Variants in YARS2 observed in about 807,000 individuals in gnomAD.
YARS2 encodes the protein tyrosyl-tRNA synthetase 2, also known as tyrosine--tRNA ligase, mitochondrial.
Under a neutral mutation model 45.0 loss-of-function variants are expected in YARS2, and 38 were observed. The observed-to-expected ratio is 0.84, with a 90% CI of 0.65 to 1.11. The LOEUF is 1.11. YARS2 is among the 50% of genes least tolerant of loss of function. The pLI, the probability that YARS2 is intolerant of heterozygous loss-of-function variation, is 0.00. For missense variants in YARS2, 602 were observed against 599.8 expected (o/e 1.00, Z -0.04); for synonymous variants, 287 against 245.1 (o/e 1.17, Z -1.60).
chr12:32,750,020 T>TG lies in YARS2; in HGVS notation c.1190dup (p.Phe398IlefsTer3), dbSNP rs745812190. The TG allele has an allele frequency of 6.2e-7, 1 of 1,614,038 alleles. No homozygotes were observed. Among genetic ancestry groups the TG allele is most frequent in the South Asian group, 1.1e-5 (1 of 91,082 alleles). On this transcript the variant is annotated frameshift_variant, in exon 4 of 5. Transcript: ENST00000324868. LOFTEE classifies it high-confidence loss of function. ...CAGGATCGAGAAAAAATTCAGAAAA[T>TG]GGAGCTTCTTTAAACAACTCTTTTA...
chr12:32,752,260 A>T (rs1366491860), intron 2 of YARS2, among the ~76,000 whole-genome samples: 1 of 152,200 alleles, frequency 6.6e-6, no homozygotes, highest in Non-Finnish European at 1.5e-5. Context: ...ATTCACAAAG[A>T]TATAGCTTAA....
chr12:32,755,599 T>G lies in YARS2; in HGVS notation c.276A>C (p.Leu92=). Reference sequence around the variant, plus strand: ...AATGAAACAGGCCCAGCAGCGCAAGTAGATGACCCACATGAAGCGAGTCTG... The same window carrying G: ...AATGAAACAGGCCCAGCAGCGCAAGGAGATGACCCACATGAAGCGAGTCTG... ...PTADSLHVGH[L]LALLGLFHLQ... Residue 92 remains leucine, a synonymous_variant, in exon 1 of 5, where the codon CTA becomes CTC. Coordinates refer to ENST00000324868, the MANE Select transcript of YARS2 (RefSeq NM_001040436.3). The G allele has an allele frequency of 6.2e-7, 1 of 1,613,856 alleles. No individual in the cohort carries two copies. The highest frequency in any genetic ancestry group is 1.7e-5 in the Admixed American group (1 of 60,020).
chr12:32,755,764 C>G lies in YARS2; in HGVS notation c.111G>C (p.Gly37=). 6.2e-7 allele frequency: 1 copy of G among 1,614,000 alleles called. No homozygotes were observed. The highest frequency in any genetic ancestry group is 8.5e-7 in the Non-Finnish European group (1 of 1,180,000). Residue 37 remains glycine (G), a synonymous_variant, in exon 1 of 5, where the codon GGG becomes GGC. Transcript: ENST00000324868. The part of the protein sequence containing the change: ...GLRKAHSGAQ[G]LLAAQKARGL... The stretch of plus-strand genomic sequence containing the variant: ...CTCGAGCCTTCTGCGCTGCCAGTAA[C>G]CCCTGAGCGCCCGAGTGGGCCTTAC...
chr12:32,748,243 A>G (rs1955678988), intron 4 of YARS2, among the ~76,000 whole-genome samples: 3 of 152,092 alleles, frequency 2.0e-5, no homozygotes, highest in Admixed American at 1.3e-4. Context: ...CCTGGCCCCA[A>G]GCAATCCTCC....
chr12:32,755,151 G>C lies in YARS2; in HGVS notation c.724C>G (p.Leu242Val), dbSNP rs1955823878. Residue 242 changes from leucine to valine, a missense_variant, in exon 1 of 5, where the codon CTG becomes GTG. Transcript: ENST00000324868. The part of the protein sequence containing the change: ...LFQRYGCRVQ[L>V]GGSDQLGNIM... ...TTGCCTAGTTGATCAGATCCGCCCA[G>C]CTGGACCCTGCATCCATAACGCTGG... 6.2e-7 allele frequency: 1 copy of C among 1,614,158 alleles called. No homozygotes were observed. Among genetic ancestry groups the C allele is most frequent in the Non-Finnish European group, 8.5e-7 (1 of 1,180,040 alleles).
chr12:32,753,975 G>A lies in YARS2; in HGVS notation c.890C>T (p.Thr297Ile), dbSNP rs1565559886. ...GNAVWLNRDK[T>I]SPFELYQFFV... ...GAATTGATACAATTCAAATGGAGAT[G>A]TCTTATCTCTGTTTAGCCAAACAGC... Residue 297 changes from threonine to isoleucine, a missense_variant, in exon 2 of 5, where the codon ACA becomes ATA. Physicochemically the swap from Thr to Ile is moderately conservative, Grantham distance 89. Transcript: ENST00000324868. The A allele has an allele frequency of 6.2e-7, 1 of 1,614,186 alleles. No individual in the cohort carries two copies. The highest frequency in any genetic ancestry group is 8.5e-7 in the Non-Finnish European group (1 of 1,180,040).
In YARS2 at chr12:32,746,916, G is replaced by T; in HGVS notation, c.*288C>A. ...AGAGCAGGAAGGGTAAGATAGGAAA[G>T]CAGCATTTCTTTCTCTTCTGAAGTA... On this transcript the variant is annotated 3_prime_UTR_variant, in exon 5 of 5. Transcript: ENST00000324868. 1 of 344,416 alleles carries T rather than the reference G, an allele frequency of 2.9e-6. No individual in the cohort carries two copies. The highest frequency in any genetic ancestry group is 5.4e-6 in the Non-Finnish European group (1 of 185,750). The allele number at this position is 344,416 out of a possible 1,614,324, so 21.3% of individuals were successfully genotyped here. A position where few individuals can be genotyped will look rare whatever the true frequency, so the allele number is the denominator to read the frequency against.
chr12:32,746,545 G>GAC lies in YARS2; in HGVS notation c.*658_*659insGT, dbSNP rs1955635295. On this transcript the variant is annotated 3_prime_UTR_variant, in exon 5 of 5. Transcript: ENST00000324868. The stretch of plus-strand genomic sequence containing the variant: ...ATTCCTTTTTTTTTTTTTTTTTTTT[G>GAC]AGACAGAGTTTCACTCACTACTCAT... The GAC allele has an allele frequency of 1.8e-5, 1 of 56,148 alleles. No individual in the cohort carries two copies. Among genetic ancestry groups the GAC allele is most frequent in the African/African-American group, 7.4e-5 (1 of 13,566 alleles). 3.5% of individuals were successfully genotyped at this position (56,148 alleles called of 1,614,324 possible). A position where few individuals can be genotyped will look rare whatever the true frequency, so the allele number is the denominator to read the frequency against.
In YARS2 at chr12:32,747,354, C is replaced by A; in HGVS notation, c.1284G>T (p.Met428Ile). 3.1e-6 allele frequency: 5 copies of A among 1,613,752 alleles called. No homozygotes were observed. The highest frequency in any genetic ancestry group is 4.2e-6 in the Non-Finnish European group (5 of 1,179,890). The change falls in exon 5 of 5, where the codon ATG becomes ATT. Residue 428 changes from methionine to isoleucine, a missense_variant. Transcript: ENST00000324868. ...TTATGCTGACTCCGCCTTCTGTTAT[C>A]ATTCGATACCTAAAAAATAGAAACG... is the stretch of plus-strand genomic sequence containing the variant. ...AIPDGPRGYRMITEGGVSINH... is the reference protein window; with the variant it reads ...AIPDGPRGYRIITEGGVSINH...
At chr12:32,754,367 A>G (rs1209568063) in intron 1 of YARS2, among the ~76,000 whole-genome samples, 1 of 152,234 alleles carries the variant, frequency 6.6e-6, no homozygotes. Flanking sequence ...AAACTGGGTG[A>G]AGGGGTGTCA....
intron 2 of YARS2, among the ~76,000 whole-genome samples, chr12:32,753,616 G>A (rs761784274): frequency 2.0e-5 from 3 of 152,146 alleles, no homozygotes; most frequent in Non-Finnish European, 2.9e-5. Context: ...GGTAGTCAAG[G>A]TTAAGTTGAA....
chr12:32,748,268 C>T (rs1449306273), intron 4 of YARS2, among the ~76,000 whole-genome samples: 3 of 152,028 alleles, frequency 2.0e-5, no homozygotes, highest in Non-Finnish European at 2.9e-5. Context: ...CTCAGCCTCC[C>T]GAAGTGCTGG....
chr12:32,754,203 A>G, intron 1 of YARS2, 118 bp from the exon 2 acceptor site: 2 of 1,127,766 alleles, frequency 1.8e-6, no homozygotes, highest in Middle Eastern at 2.1e-4. Context: ...TTGACCTCCT[A>G]AATCTGAATT....
rs587777214 is a variant in YARS2, at chr12:32,750,744, G to A, written c.1078C>T (p.Arg360Ter). ...AAEVTKLVHG[R>*]EGLDSAKRCT... ...CTTTTAGCAGAATCCAATCCTTCTC[G>A]TCCATGAACAAGCTTTGTTACTTCT... Residue 360 changes from arginine (R) to a stop codon, truncating the protein, a stop_gained, in exon 3 of 5, where the codon CGA (arginine) becomes TGA (stop). Transcript: ENST00000324868. LOFTEE classifies it high-confidence loss of function. 1.2e-5 allele frequency: 20 copies of A among 1,613,834 alleles called. No homozygotes were observed. The highest frequency in any genetic ancestry group is 2.2e-5 in the South Asian group (2 of 91,080).
Position 32,755,581 on chromosome 12 carries a change from C to A in YARS2, c.294G>T (p.Leu98=). 1 of 1,613,886 alleles carries A rather than the reference C, an allele frequency of 6.2e-7. No individual in the cohort carries two copies. Among genetic ancestry groups the A allele is most frequent in the South Asian group, 1.1e-5 (1 of 91,088 alleles). The change falls in exon 1 of 5, where the codon CTG becomes CTT. Residue 98 remains leucine (L), a synonymous_variant. Transcript: ENST00000324868. The part of the protein sequence containing the change: ...HVGHLLALLG[L]FHLQRAGHNV... ...TGTGGCCCGCTCGCTGCAAATGAAACAGGCCCAGCAGCGCAAGTAGATGAC... is the reference window on the plus strand; with the variant it reads ...TGTGGCCCGCTCGCTGCAAATGAAAAAGGCCCAGCAGCGCAAGTAGATGAC...
chr12:32,747,761 C>T lies in YARS2; in HGVS notation c.1275-398G>A, dbSNP rs539458753. On this transcript the variant is annotated intron_variant, in intron 4 of 4. Transcript: ENST00000324868. ...ATGTTAGCCAGGCTGGTCTCAAACT[C>T]CCAACCTCAAGTGATCCACCTGCCT... 3.9e-5 allele frequency among the ~76,000 whole-genome samples: 6 copies of T among 152,272 alleles called. No individual in the cohort carries two copies. In the South Asian group the frequency reaches 1.2e-3, roughly 32 times the overall value.
At position 32,755,632 on chromosome 12, in the gene YARS2, G is replaced by A; in HGVS notation, c.243C>T (p.Asp81=). 1 of 1,614,208 alleles carries A rather than the reference G, an allele frequency of 6.2e-7. No homozygotes were observed. The highest frequency in any genetic ancestry group is 8.5e-7 in the Non-Finnish European group (1 of 1,180,020). The change falls in exon 1 of 5, where the codon GAC becomes GAT. Residue 81 remains aspartate (D), a synonymous_variant. Transcript: ENST00000324868. ...SFPQTIYCGF[D]PTADSLHVGH... ...CCACATGAAGCGAGTCTGCCGTGGG[G>A]TCGAAGCCACAGTAAATGGTTTGGG... is the stretch of plus-strand genomic sequence containing the variant.
chr12:32,750,569 C>A, intron 3 of YARS2, 150 bp downstream of exon 3: 2 of 1,023,382 alleles, frequency 2.0e-6, no homozygotes, highest in Non-Finnish European at 2.9e-6. Context: ...ATCCTTCTTT[C>A]CAATAAACAG....
chr12:32,751,855 T>C (rs985882418), intron 2 of YARS2, among the ~76,000 whole-genome samples: 1 of 152,222 alleles, frequency 6.6e-6, no homozygotes, highest in African/African-American at 2.4e-5. Flanking sequence ...CAGCTCCTGT[T>C]GCGCAGCCCT....
Sources: allele counts gnomAD v4.1 joint callset (sites outside exome capture counted in the v4.1 genomes callset), GRCh38; gene constraint gnomAD v4.1.1; transcripts MANE v1.5; gene names NCBI Gene and HGNC (gene_info 2026-07-23, HGNC 2026-07-21).